The following LRRC7 variants were observed in gnomAD, a reference collection of about 807,000 sequenced individuals.
LRRC7 encodes leucine rich repeat containing 7.
Under a neutral mutation model 175.7 loss-of-function variants are expected in LRRC7, and 23 were observed. That is an observed-to-expected ratio of 0.13 (90% confidence interval 0.09 to 0.19). The LOEUF (loss-of-function observed/expected upper bound fraction) is 0.19, where lower values mean the gene tolerates loss of function less well. Ranked by LOEUF, LRRC7 falls within the 10% of genes least tolerant of loss-of-function variation. The probability of loss-of-function intolerance (pLI) is 1.00; values close to 1 mark genes in which losing one functional copy is unlikely to be tolerated. For missense variants in LRRC7, 1,354 were observed against 1,904.7 expected (o/e 0.71, Z 5.38); for synonymous variants, 685 against 680.9 (o/e 1.01, Z -0.09).
intron 1 of LRRC7, among the ~76,000 whole-genome samples, chr1:69,570,350 C>T (rs1167773796): frequency 1.3e-5 from 2 of 151,890 alleles, no homozygotes; most frequent in South Asian, 2.1e-4. Context: ...TGATCGGAGG[C>T]GAAATAGAGG....
At chr1:69,913,269 T>C (rs1646586941) in intron 7 of LRRC7, among the ~76,000 whole-genome samples, 1 of 152,206 alleles carries the variant, frequency 6.6e-6, no homozygotes, top group South Asian at 2.1e-4. Flanking sequence ...ACATATCCTT[T>C]TGGAAGATGC....
At chr1:69,889,797 C>A (rs998497523) in intron 7 of LRRC7, among the ~76,000 whole-genome samples, 10 of 151,808 alleles carry the variant, frequency 6.6e-5, no homozygotes, top group African/African-American at 2.4e-4. Context: ...CAGAGTGAGA[C>A]CCTGTCTAAA....
chr1:69,640,639 AT>A (rs67002189), intron 1 of LRRC7, among the ~76,000 whole-genome samples: 30,677 of 148,516 alleles, frequency 0.21, 3,835 homozygotes, highest in South Asian at 0.29. Flanking sequence ...CTCTTTTGTC[AT>A]TTTTTTTTAA....
intron 1 of LRRC7, among the ~76,000 whole-genome samples, chr1:69,592,518 T>C (rs1384515287): frequency 6.6e-6 from 1 of 152,094 alleles, no homozygotes. Context: ...CCAAACACTA[T>C]TGTAAATGTT....
chr1:70,041,120 A>C (rs1307235585), intron 21 of LRRC7, among the ~76,000 whole-genome samples: 1 of 151,958 alleles, frequency 6.6e-6, no homozygotes, highest in Admixed American at 6.6e-5. Flanking sequence ...TAAATTGGGG[A>C]TCTGGGTAAT....
At chr1:70,078,598 G>A (rs1662955893) in intron 24 of LRRC7, among the ~76,000 whole-genome samples, 1 of 152,010 alleles carries the variant, frequency 6.6e-6, no homozygotes. Context: ...TAGTGTTCAA[G>A]AAAGAGATAC....
At chr1:69,908,897 G>C (rs1646418666) in intron 7 of LRRC7, among the ~76,000 whole-genome samples, 1 of 151,238 alleles carries the variant, frequency 6.6e-6, no homozygotes, top group South Asian at 2.1e-4. Flanking sequence ...ATTATTGTGT[G>C]GGAGTCTAAG....
chr1:69,946,506 C>G lies in LRRC7; in HGVS notation c.711+14936C>G, dbSNP rs1649329322. 2.0e-5 allele frequency among the ~76,000 whole-genome samples: 3 copies of G among 151,880 alleles called. No individual in the cohort carries two copies. In the South Asian group the frequency reaches 6.2e-4, roughly 32 times the overall value. Reference sequence around the variant, plus strand: ...TTGTTGAAAGTAGAATATTGAAGTCCCTTACTCATATTGTGTTGCTTTCTA... The same window carrying G: ...TTGTTGAAAGTAGAATATTGAAGTCGCTTACTCATATTGTGTTGCTTTCTA... On this transcript the variant is annotated intron_variant, in intron 8 of 26. Transcript: ENST00000651989.
At chr1:69,906,736 G>A (rs1053237009) in intron 7 of LRRC7, among the ~76,000 whole-genome samples, 8 of 152,156 alleles carry the variant, frequency 5.3e-5, no homozygotes, top group East Asian at 1.9e-4. Context: ...TTGACTTGGC[G>A]ATGAGGGCTC....
At chr1:69,915,703 T>A (rs1646665909) in intron 7 of LRRC7, among the ~76,000 whole-genome samples, 1 of 152,032 alleles carries the variant, frequency 6.6e-6, no homozygotes, top group Admixed American at 6.6e-5. Context: ...TTATAAATCC[T>A]TGGAAAAACT....
intron 11 of LRRC7, among the ~76,000 whole-genome samples, chr1:69,996,470 G>T (rs1654979883): frequency 6.6e-6 from 1 of 151,624 alleles, no homozygotes; most frequent in Admixed American, 6.6e-5. Context: ...TGAAGTCCTT[G>T]CCCATGCCTA....
At position 69,900,408 on chromosome 1, in the gene LRRC7, T is replaced by C. The variant is rs990197107; in HGVS notation, c.648-31099T>C. Among the ~76,000 whole-genome samples, 4 of 152,350 alleles carry C rather than the reference T, an allele frequency of 2.6e-5. No homozygotes were observed. The South Asian group carries it at 8.3e-4, about 32-fold the overall frequency. Reference sequence around the variant, plus strand: ...ATAAACTAACACTTCATTTTTCTTCTTTGTATTCTAGGATAAACTTCTTCC... The same window carrying C: ...ATAAACTAACACTTCATTTTTCTTCCTTGTATTCTAGGATAAACTTCTTCC... On this transcript the variant is annotated intron_variant, in intron 7 of 26. Transcript: ENST00000651989.
At chr1:69,868,038 C>T (rs1685123410) in intron 7 of LRRC7, among the ~76,000 whole-genome samples, 1 of 151,968 alleles carries the variant, frequency 6.6e-6, no homozygotes, top group African/African-American at 2.4e-5. Flanking sequence ...CATACCATAC[C>T]ATTTATTATT....
chr1:69,836,800 G>A (rs1024649737), intron 6 of LRRC7, among the ~76,000 whole-genome samples: 12 of 151,300 alleles, frequency 7.9e-5, no homozygotes, highest in Admixed American at 6.0e-4. Context: ...TACCCATGCC[G>A]TGAAGAACTG....
At chr1:69,765,505 A>G (rs563068903) in intron 3 of LRRC7, among the ~76,000 whole-genome samples, 1 of 152,202 alleles carries the variant, frequency 6.6e-6, no homozygotes, top group East Asian at 1.9e-4. Context: ...CTTTGTGAAT[A>G]TTTTTAGCAA....
chr1:69,863,455 C>A (rs1380213712), intron 7 of LRRC7, among the ~76,000 whole-genome samples: 1 of 152,122 alleles, frequency 6.6e-6, no homozygotes, highest in Non-Finnish European at 1.5e-5. Context: ...GTATTCTGCC[C>A]AGTGCATGGT....
At chr1:69,655,085 G>A (rs557542175) in intron 1 of LRRC7, among the ~76,000 whole-genome samples, 91 of 152,060 alleles carry the variant, frequency 6.0e-4, no homozygotes, top group African/African-American at 1.7e-3. Context: ...GAGCAAGTTA[G>A]GCACTTCAAG....
intron 9 of LRRC7, among the ~76,000 whole-genome samples, chr1:69,981,715 C>T (rs1454846504): frequency 6.6e-6 from 1 of 152,176 alleles, no homozygotes; most frequent in Non-Finnish European, 1.5e-5. Context: ...ACACGAGACA[C>T]TTACCAATCC....
chr1:69,600,422 A>C (rs1164194929), intron 1 of LRRC7, among the ~76,000 whole-genome samples: 1 of 152,044 alleles, frequency 6.6e-6, no homozygotes, highest in Non-Finnish European at 1.5e-5. Context: ...GACAGTTGAG[A>C]TGTGTAGTGC....
Sources: allele counts gnomAD v4.1 joint callset (sites outside exome capture counted in the v4.1 genomes callset), GRCh38; gene constraint gnomAD v4.1.1; transcripts MANE v1.5; gene names NCBI Gene and HGNC (gene_info 2026-07-23, HGNC 2026-07-21).